Variants in DTNBP1 observed in about 807,000 individuals in gnomAD.
The protein encoded by DTNBP1 is dysbindin.
A neutral mutation model predicts 42.8 loss-of-function variants in DTNBP1; 35 were observed. The observed-to-expected ratio is 0.82, with a 90% CI of 0.63 to 1.09. The LOEUF (loss-of-function observed/expected upper bound fraction) is 1.09. Among genes scored for constraint, DTNBP1 ranks in the 50% least tolerant of loss-of-function variants. The probability of loss-of-function intolerance (pLI) is 0.00; values close to 1 mark genes in which losing one functional copy is unlikely to be tolerated. For synonymous variants in DTNBP1, 171 were observed against 162.2 expected, an observed-to-expected ratio of 1.05 and a Z score of -0.41; for missense variants, 457 against 424.2, an observed-to-expected ratio of 1.08 and a Z score of -0.68.
chr6:15,657,960 A>G (rs1458445213), intron 1 of DTNBP1, among the ~76,000 whole-genome samples: 3 of 152,162 alleles, frequency 2.0e-5, no homozygotes, highest in Non-Finnish European at 2.9e-5. Flanking sequence ...CCTTCTGTAA[A>G]TGCATCCTAA....
At chr6:15,603,321 C>G (rs1035051240) in intron 6 of DTNBP1, among the ~76,000 whole-genome samples, 2 of 152,108 alleles carry the variant, frequency 1.3e-5, no homozygotes, top group African/African-American at 4.8e-5. Context: ...CAATTAACCA[C>G]CTGGGAACCA....
intron 7 of DTNBP1, among the ~76,000 whole-genome samples, chr6:15,585,287 G>A (rs921866756): frequency 6.6e-6 from 1 of 150,978 alleles, no homozygotes; most frequent in Non-Finnish European, 1.5e-5. Flanking sequence ...TAGCAGCAAG[G>A]GATGCCGAAT....
intron 4 of DTNBP1, among the ~76,000 whole-genome samples, chr6:15,629,754 G>A (rs1759577673): frequency 6.6e-6 from 1 of 152,066 alleles, no homozygotes; most frequent in East Asian, 1.9e-4. Context: ...TTTAAAAATT[G>A]AGGTGTAATG....
chr6:15,590,667 C>T (rs142407832), intron 7 of DTNBP1, among the ~76,000 whole-genome samples: 2 of 152,124 alleles, frequency 1.3e-5, no homozygotes, highest in African/African-American at 2.4e-5. Context: ...TAAATGAATG[C>T]AGTATTTGGG....
intron 3 of DTNBP1, among the ~76,000 whole-genome samples, chr6:15,650,147 T>C (rs1403788339): frequency 1.3e-5 from 2 of 152,208 alleles, no homozygotes; most frequent in African/African-American, 4.8e-5. Context: ...GATTGTGTCA[T>C]AACAAATACA....
chr6:15,600,103 A>G (rs1776671092), intron 6 of DTNBP1, among the ~76,000 whole-genome samples: 1 of 152,080 alleles, frequency 6.6e-6, no homozygotes, highest in African/African-American at 2.4e-5. Flanking sequence ...AAGCGGCACC[A>G]GGCCCTAAAA....
Position 15,662,854 on chromosome 6 carries a change from G to T in DTNBP1, c.16C>A (p.Arg6Ser). 2 of 1,608,478 alleles carry T rather than the reference G, an allele frequency of 1.2e-6. No homozygotes were observed. The highest frequency in any genetic ancestry group is 1.7e-6 in the Non-Finnish European group (2 of 1,179,536). The change falls in exon 1 of 10, where the codon CGC becomes AGC. Residue 6 changes from arginine to serine, a missense_variant. Physicochemically the swap from Arg to Ser is moderately radical, Grantham distance 110 (BLOSUM62 -1). Coordinates refer to ENST00000344537, the MANE Select transcript of DTNBP1 (RefSeq NM_032122.5). Reference sequence around the variant, plus strand: ...TGCTGCACGCTCAGCAGCCGCTCGCGAAGGGTCTCCAGCATTGCCGCCGCC... The same window carrying T: ...TGCTGCACGCTCAGCAGCCGCTCGCTAAGGGTCTCCAGCATTGCCGCCGCC... MLETL[R>S]ERLLSVQQDF...
At chr6:15,563,357 T>G (rs756445978) in intron 7 of DTNBP1, among the ~76,000 whole-genome samples, 8 of 152,050 alleles carry the variant, frequency 5.3e-5, no homozygotes, top group Non-Finnish European at 8.8e-5. Context: ...AAAAAGAAAA[T>G]AATAAAATGG....
At chr6:15,544,788 G>C (rs1298427981) in intron 7 of DTNBP1, among the ~76,000 whole-genome samples, 1 of 152,212 alleles carries the variant, frequency 6.6e-6, no homozygotes, top group Non-Finnish European at 1.5e-5. Context: ...AAGTATTTCA[G>C]ATAAGGGATA....
chr6:15,632,625 T>C (rs572526015), intron 4 of DTNBP1, among the ~76,000 whole-genome samples: 2 of 152,334 alleles, frequency 1.3e-5, no homozygotes, highest in African/African-American at 2.4e-5. Context: ...TGCAGGTTTT[T>C]GGTAGATATC....
intron 8 of DTNBP1, among the ~76,000 whole-genome samples, chr6:15,529,145 C>T (rs924428677): frequency 6.6e-6 from 1 of 152,134 alleles, no homozygotes; most frequent in African/African-American, 2.4e-5. Context: ...ATTAGCCCGG[C>T]ATGGTGGTGC....
chr6:15,625,360 G>A (rs1433375480), intron 5 of DTNBP1, among the ~76,000 whole-genome samples: 1 of 152,168 alleles, frequency 6.6e-6, no homozygotes, highest in East Asian at 1.9e-4. Flanking sequence ...AATTAATTTA[G>A]CAGTGATTAA....
At chr6:15,648,479 T>C (rs1186682348) in intron 3 of DTNBP1, among the ~76,000 whole-genome samples, 1 of 152,040 alleles carries the variant, frequency 6.6e-6, no homozygotes, top group African/African-American at 2.4e-5. Flanking sequence ...ATAAATGATA[T>C]GATCTTATAT....
intron 7 of DTNBP1, among the ~76,000 whole-genome samples, chr6:15,558,414 G>A (rs965602978): frequency 6.6e-6 from 1 of 151,854 alleles, no homozygotes; most frequent in Non-Finnish European, 1.5e-5. Flanking sequence ...CTATAGGCAC[G>A]TGCCACCACA....
At chr6:15,548,917 TTTAAG>T (rs571377609) in intron 7 of DTNBP1, among the ~76,000 whole-genome samples, 44 of 152,264 alleles carry the variant, frequency 2.9e-4, no homozygotes, top group African/African-American at 7.7e-4. Context: ...AGATGTAAAA[TTTAAG>T]TTTTCATTAA....
intron 5 of DTNBP1, among the ~76,000 whole-genome samples, chr6:15,624,088 C>T (rs1284373375): frequency 1.3e-5 from 2 of 152,212 alleles, no homozygotes; most frequent in Admixed American, 1.3e-4. Flanking sequence ...GTACGCAGTG[C>T]GTGGTGCGTG....
At chr6:15,571,226 C>G (rs1181416647) in intron 7 of DTNBP1, among the ~76,000 whole-genome samples, 2 of 152,174 alleles carry the variant, frequency 1.3e-5, no homozygotes, top group African/African-American at 4.8e-5. Context: ...CATCGTACTA[C>G]TTATTCTCTC....
chr6:15,583,888 T>C (rs1007365463), intron 7 of DTNBP1, among the ~76,000 whole-genome samples: 3 of 152,226 alleles, frequency 2.0e-5, no homozygotes, highest in Non-Finnish European at 2.9e-5. Context: ...TCTATTTTTA[T>C]GTAGTTTAAT....
intron 7 of DTNBP1, among the ~76,000 whole-genome samples, chr6:15,579,003 A>G (rs976908618): frequency 2.0e-5 from 3 of 152,192 alleles, no homozygotes; most frequent in African/African-American, 7.2e-5. Context: ...GCCCCCAAAA[A>G]ACTAAAAATA....
Sources: allele counts gnomAD v4.1 joint callset (sites outside exome capture counted in the v4.1 genomes callset), GRCh38; gene constraint gnomAD v4.1.1; transcripts MANE v1.5; gene names NCBI Gene and HGNC (gene_info 2026-07-23, HGNC 2026-07-21).